Variants in MYOC observed in about 807,000 individuals in gnomAD.
MYOC encodes the protein myocilin.
A neutral mutation model predicts 28.2 loss-of-function variants in MYOC; 29 were observed. That is an observed-to-expected ratio of 1.03 (90% CI 0.77 to 1.40). The LOEUF is 1.40. Among genes scored for constraint, MYOC ranks in the 40% most tolerant of loss-of-function variants. MYOC has a pLI of 0.00. For missense variants in MYOC, 569 were observed against 620.6 expected (o/e 0.92, Z 0.88); for synonymous variants, 240 against 245.6 (o/e 0.98, Z 0.21).
chr1:171,652,164 A>T lies in MYOC; in HGVS notation c.448T>A (p.Ser150Thr). The T allele has an allele frequency of 6.2e-7, 1 of 1,612,270 alleles. No homozygotes were observed. The highest frequency in any genetic ancestry group is 8.5e-7 in the Non-Finnish European group (1 of 1,179,390). Residue 150 changes from serine (S) to threonine (T), a missense_variant, in exon 1 of 3, where the codon TCA becomes ACA. By Grantham distance (58) the Ser-to-Thr change is moderately conservative. Coordinates refer to ENST00000037502, the MANE Select transcript of MYOC (RefSeq NM_000261.2). Reference protein sequence around the residue: ...TAYSNLLRDKSVLEEEKKRLR... With the variant: ...TAYSNLLRDKTVLEEEKKRLR... ...CGCTTCTTCTCTTCCTCCAGAACTGACTTGTCTCGGAGGAGGTTGCTGTAG... is the reference window on the plus strand; with the variant it reads ...CGCTTCTTCTCTTCCTCCAGAACTGTCTTGTCTCGGAGGAGGTTGCTGTAG...
intron 1 of MYOC, among the ~76,000 whole-genome samples, chr1:171,639,175 T>C (rs1230359128): frequency 6.6e-6 from 1 of 151,986 alleles, no homozygotes; most frequent in Non-Finnish European, 1.5e-5. Context: ...TGGGGATGGG[T>C]TGGGGGTCAG....
chr1:171,643,218 T>G (rs1653119254), intron 1 of MYOC, among the ~76,000 whole-genome samples: 1 of 152,192 alleles, frequency 6.6e-6, no homozygotes, highest in South Asian at 2.1e-4. Context: ...CAGTACCAGC[T>G]GCTTCCCTTC....
rs1425541143 is a variant in MYOC, at chr1:171,638,646, A to C, written c.681T>G (p.Ile227Met). 1 of 1,614,140 alleles carries C rather than the reference A, an allele frequency of 6.2e-7. No homozygotes were observed. The highest frequency in any genetic ancestry group is 1.7e-5 in the Admixed American group (1 of 60,020). ...GATAGCCAGATGGGCTCTCCTTCAAAATTCGGGAAGCAGGAACTTCAGTTA... is the reference window on the plus strand; with the variant it reads ...GATAGCCAGATGGGCTCTCCTTCAACATTCGGGAAGCAGGAACTTCAGTTA... ...SELTEVPASRILKESPSGYLR... is the reference protein window; with the variant it reads ...SELTEVPASRMLKESPSGYLR... Residue 227 changes from isoleucine to methionine, a missense_variant, in exon 2 of 3, where the codon ATT becomes ATG. By Grantham distance (10) the Ile-to-Met change is conservative. Coordinates refer to ENST00000037502, the MANE Select transcript of MYOC (RefSeq NM_000261.2).
intron 1 of MYOC, among the ~76,000 whole-genome samples, chr1:171,648,631 T>TATTATATATATAATAAATTATATATATA (rs1553255440): frequency 1.4e-5 from 2 of 146,752 alleles, no homozygotes; most frequent in East Asian, 3.9e-4. Flanking sequence ...ATATGTATTT[T>TATTATATATATAATAAATTATATATATA]ATTATATATA....
At chr1:171,641,702 T>G (rs984624377) in intron 1 of MYOC, among the ~76,000 whole-genome samples, 1 of 152,218 alleles carries the variant, frequency 6.6e-6, no homozygotes, top group Non-Finnish European at 1.5e-5. Flanking sequence ...CACTGGGCTT[T>G]TCTCTTGCTG....
At chr1:171,645,230 T>C (rs7523603) in intron 1 of MYOC, among the ~76,000 whole-genome samples, 17,514 of 152,198 alleles carry the variant, frequency 0.12, 1,030 homozygotes, top group East Asian at 0.21. Flanking sequence ...GAAGTTCTTC[T>C]GTGACCTCAC....
chr1:171,637,616 ATT>A (rs1242075694), intron 2 of MYOC, among the ~76,000 whole-genome samples: 4 of 143,630 alleles, frequency 2.8e-5, no homozygotes, highest in Non-Finnish European at 3.1e-5. Flanking sequence ...AGATGTCTGT[ATT>A]TTTTTTTTTT....
Position 171,636,319 on chromosome 1 carries a change from C to A in MYOC, c.1121G>T (p.Gly374Val). The change falls in exon 3 of 3, where the codon GGT becomes GTT. Residue 374 changes from glycine to valine, a missense_variant. Coordinates refer to ENST00000037502, the MANE Select transcript of MYOC (RefSeq NM_000261.2). ...GYHGQFPYSW[G>V]GYTDIDLAVD... Reference sequence around the variant, plus strand: ...AGCCAAGTCAATGTCCGTGTAGCCACCCCAAGAATACGGGAACTGTCCGTG... The same window carrying A: ...AGCCAAGTCAATGTCCGTGTAGCCAACCCAAGAATACGGGAACTGTCCGTG... 6.2e-7 allele frequency: 1 copy of A among 1,614,030 alleles called. No individual in the cohort carries two copies. The highest frequency in any genetic ancestry group is 8.5e-7 in the Non-Finnish European group (1 of 1,179,996).
intron 1 of MYOC, among the ~76,000 whole-genome samples, chr1:171,642,298 G>A (rs1034882901): frequency 1.3e-5 from 2 of 152,192 alleles, no homozygotes; most frequent in Non-Finnish European, 2.9e-5. Context: ...TCAGTCTAGA[G>A]TGCACCATGT....
intron 1 of MYOC, among the ~76,000 whole-genome samples, chr1:171,648,154 A>C (rs1233278759): frequency 4.0e-5 from 6 of 150,382 alleles, no homozygotes; most frequent in Admixed American, 6.7e-5. Flanking sequence ...GTGCCACCGC[A>C]CTCCAGCCTG....
At chr1:171,640,973 G>A (rs1320351937) in intron 1 of MYOC, among the ~76,000 whole-genome samples, 2 of 152,074 alleles carry the variant, frequency 1.3e-5, no homozygotes, top group Non-Finnish European at 2.9e-5. Context: ...CTATAATGGT[G>A]GACACATGTC....
chr1:171,637,621 T>G (rs191324383), intron 2 of MYOC, among the ~76,000 whole-genome samples: 4 of 152,010 alleles, frequency 2.6e-5, no homozygotes, highest in Admixed American at 6.5e-5. Context: ...TCTGTATTTT[T>G]TTTTTTTTTG....
chr1:171,652,683 T>C lies in MYOC; in HGVS notation c.-72A>G. On this transcript the variant is annotated 5_prime_UTR_variant, in exon 1 of 3. Transcript: ENST00000037502. ...GAGGTGCCTGGATGGGTGGCCTTGC[T>C]GGCTCATGCCCGAGCTCCAGAGAGG... is the stretch of plus-strand genomic sequence containing the variant. 1.2e-6 allele frequency: 2 copies of C among 1,605,746 alleles called. No homozygotes were observed. The highest frequency in any genetic ancestry group is 1.7e-6 in the Non-Finnish European group (2 of 1,177,498).
chr1:171,639,638 C>G (rs1202138062), intron 1 of MYOC, among the ~76,000 whole-genome samples: 1 of 124,054 alleles, frequency 8.1e-6, no homozygotes. Flanking sequence ...GAGCAAGGCC[C>G]GGTCTCAAGG....
chr1:171,645,236 C>A (rs1653172736), intron 1 of MYOC, among the ~76,000 whole-genome samples: 1 of 152,160 alleles, frequency 6.6e-6, no homozygotes, highest in Non-Finnish European at 1.5e-5. Flanking sequence ...CTTCTGTGAC[C>A]TCACAGCCAC....
intron 1 of MYOC, among the ~76,000 whole-genome samples, chr1:171,640,453 G>A (rs960928344): frequency 7.9e-5 from 12 of 151,702 alleles, no homozygotes; most frequent in Non-Finnish European, 1.6e-4. Flanking sequence ...ATGCAGTTTG[G>A]CCAGGCCCAG....
intron 2 of MYOC, 21 bp downstream of exon 2, chr1:171,638,576 G>A: frequency 6.2e-7 from 1 of 1,613,696 alleles, no homozygotes; most frequent in Admixed American, 1.7e-5. Flanking sequence ...GGCACAAAAG[G>A]GAAGAAACTT....
chr1:171,648,897 G>T (rs1046532682), intron 1 of MYOC, among the ~76,000 whole-genome samples: 8 of 150,796 alleles, frequency 5.3e-5, no homozygotes, highest in Non-Finnish European at 7.4e-5. Context: ...ACAGTGGCCA[G>T]GCTGGTCTTA....
At chr1:171,643,127 G>A (rs16864720) in intron 1 of MYOC, among the ~76,000 whole-genome samples, 22,873 of 152,088 alleles carry the variant, frequency 0.15, 1,865 homozygotes, top group Middle Eastern at 0.35. Flanking sequence ...TCATTCTAAA[G>A]GTTGCATTGG....
Sources: gnomAD v4.1 joint callset for allele counts (sites outside exome capture counted in the v4.1 genomes callset) on GRCh38, gnomAD v4.1.1 for gene constraint, MANE v1.5 for transcripts, NCBI Gene and HGNC (gene_info 2026-07-23, HGNC 2026-07-21) for gene names.